VPS35L: variants seen among roughly 807,000 people sequenced by gnomAD.
The protein encoded by VPS35L is VPS35 endosomal protein-sorting factor-like.
Under a neutral mutation model 133.0 loss-of-function variants are expected in VPS35L, and 83 were observed. The ratio of observed to expected loss-of-function variants is 0.62; its 90% CI spans 0.52 to 0.75. The LOEUF is 0.75. Ranked by LOEUF, VPS35L falls within the 30% of genes least tolerant of loss-of-function variation. The pLI is 0.00. For missense variants in VPS35L, 1,083 were observed against 1,206.8 expected (o/e 0.90, Z 1.52); for synonymous variants, 423 against 449.9 (o/e 0.94, Z 0.76).
chr16:19,700,298 C>A, intron 30 of VPS35L, 80 bp from the exon 31 acceptor site: 1 of 1,264,636 alleles, frequency 7.9e-7, no homozygotes, highest in South Asian at 1.3e-5. Context: ...TCTAAGCTCA[C>A]ATAATGGCTG....
intron 27 of VPS35L, among the ~76,000 whole-genome samples, chr16:19,672,661 G>T (rs547274376): frequency 6.6e-6 from 1 of 152,214 alleles, no homozygotes; most frequent in African/African-American, 2.4e-5. Flanking sequence ...AGGATAGGCG[G>T]CACCCCAAGA....
chr16:19,646,887 G>T (rs1973968633), intron 23 of VPS35L, among the ~76,000 whole-genome samples: 1 of 152,088 alleles, frequency 6.6e-6, no homozygotes, highest in Admixed American at 6.6e-5. Context: ...ATCCCAGCCT[G>T]AACAGTCTTC....
At chr16:19,635,959 G>A (rs888477517) in intron 19 of VPS35L, among the ~76,000 whole-genome samples, 6 of 152,158 alleles carry the variant, frequency 3.9e-5, no homozygotes, top group African/African-American at 7.2e-5. Flanking sequence ...CAAGATGGGC[G>A]GATTGCTTGA....
At chr16:19,662,996 AAAT>A (rs59638598) in intron 26 of VPS35L, among the ~76,000 whole-genome samples, 8,256 of 151,710 alleles carry the variant, frequency 0.054, 529 homozygotes, top group African/African-American at 0.15. Flanking sequence ...CTCAAAAAAA[AAAT>A]AATAATAATT....
At chr16:19,614,363 G>C (rs2151551209) in intron 12 of VPS35L, among the ~76,000 whole-genome samples, 1 of 152,274 alleles carries the variant, frequency 6.6e-6, no homozygotes, top group African/African-American at 2.4e-5. Context: ...CATTATTAGT[G>C]TTACCCATCA....
chr16:19,595,322 G>A (rs549955282), intron 8 of VPS35L, among the ~76,000 whole-genome samples: 29 of 152,258 alleles, frequency 1.9e-4, no homozygotes, highest in Middle Eastern at 3.4e-3. Context: ...CCCGGGAGGC[G>A]GTGGAGATGG....
intron 11 of VPS35L, among the ~76,000 whole-genome samples, chr16:19,609,970 C>T (rs1972658111): frequency 6.6e-6 from 1 of 152,044 alleles, no homozygotes; most frequent in Non-Finnish European, 1.5e-5. Flanking sequence ...AACGAAAATA[C>T]ATGTGGAGAG....
rs747918715 is a variant in VPS35L at position 19,609,003 on chromosome 16, A to G, written c.911A>G (p.Asn304Ser). Residue 304 changes from asparagine to serine, a missense_variant, in exon 11 of 31, where the codon AAC becomes AGC. Physicochemically the swap from Asn to Ser is conservative, Grantham distance 46. Coordinates refer to ENST00000417362, the MANE Select transcript of VPS35L (RefSeq NM_020314.7). The stretch of plus-strand genomic sequence containing the variant: ...GTGGAGGCATCCATCCTGAAATGTA[A>G]CAAATTCCTCTCCAAAACGTAAGGC... Reference protein sequence around the residue: ...FYVEASILKCNKFLSKTGISE... With the variant: ...FYVEASILKCSKFLSKTGISE... 7.9e-5 allele frequency: 128 copies of G among 1,613,968 alleles called. No individual in the cohort carries two copies. In the South Asian group the frequency reaches 9.0e-4, roughly 11 times the overall value.
chr16:19,663,181 C>T (rs1235796175), intron 26 of VPS35L, among the ~76,000 whole-genome samples: 2 of 151,608 alleles, frequency 1.3e-5, no homozygotes, highest in African/African-American at 4.9e-5. Context: ...CATGGTGGCT[C>T]ATGCCTATAA....
chr16:19,562,923 T>C (rs562219311), intron 1 of VPS35L, among the ~76,000 whole-genome samples: 337 of 151,668 alleles, frequency 2.2e-3, no homozygotes, highest in Middle Eastern at 6.8e-3. Context: ...CCCAGCAAAT[T>C]TATTTATTTA....
At chr16:19,608,358 T>C (rs1372654265) in intron 10 of VPS35L, 84 bp downstream of exon 10, 3 of 1,030,054 alleles carry the variant, frequency 2.9e-6, no homozygotes, top group Non-Finnish European at 4.5e-6. Flanking sequence ...TGTGATGGGA[T>C]GCCCTGACAT....
chr16:19,571,874 A>G, intron 3 of VPS35L, among the ~76,000 whole-genome samples: 1 of 149,504 alleles, frequency 6.7e-6, no homozygotes, highest in Non-Finnish European at 1.5e-5. Flanking sequence ...ACTTGACCAT[A>G]TGTCTTGGAG....
At chr16:19,560,043 A>G (rs1467414934) in intron 1 of VPS35L, among the ~76,000 whole-genome samples, 1 of 152,224 alleles carries the variant, frequency 6.6e-6, no homozygotes, top group Non-Finnish European at 1.5e-5. Flanking sequence ...TTTTTAAAAA[A>G]AATAAAATTC....
At position 19,564,834 on chromosome 16, in the gene VPS35L, G is replaced by A; in HGVS notation, c.18-17G>A. 1 of 1,596,074 alleles carries A rather than the reference G, an allele frequency of 6.3e-7. No individual in the cohort carries two copies. Among genetic ancestry groups the A allele is most frequent in the Non-Finnish European group, 8.6e-7 (1 of 1,164,388 alleles). On this transcript the variant is annotated splice_polypyrimidine_tract_variant and intron_variant, in intron 1 of 30. Transcript: ENST00000417362. ...GTACCCCCATCCACTAATTGGCTGT[G>A]TTTCGCTGTTTACCAGGCACTCCAG...
chr16:19,692,002 G>A (rs976482325), intron 29 of VPS35L, among the ~76,000 whole-genome samples: 2 of 152,066 alleles, frequency 1.3e-5, no homozygotes, highest in Non-Finnish European at 2.9e-5. Flanking sequence ...AGCCTCCCAA[G>A]TAGCTGGGAT....
chr16:19,606,355 G>A (rs1024483873), intron 9 of VPS35L, among the ~76,000 whole-genome samples: 7 of 152,200 alleles, frequency 4.6e-5, no homozygotes, highest in Admixed American at 1.3e-4. Flanking sequence ...ACAAATGAAT[G>A]TAAGAATAAC....
rs556834787 is a variant in VPS35L at position 19,639,613 on chromosome 16, C to T, written c.1699-402C>T. ...AGTGATCTCGGTTCACTGCAACTTC[C>T]GCCTTCCCGAGTTCAAGCAGTTCTC... On this transcript the variant is annotated intron_variant, in intron 20 of 30. Coordinates refer to ENST00000417362, the MANE Select transcript of VPS35L (RefSeq NM_020314.7). The surrounding 1 kb of genome is among the most constrained non-coding windows in gnomAD (Gnocchi z 4.1). Among the ~76,000 whole-genome samples the T allele has an allele frequency of 1.7e-4, 26 of 152,224 alleles. No homozygotes were observed. The highest frequency in any genetic ancestry group is 6.3e-4 in the African/African-American group (26 of 41,542).
At position 19,661,446 on chromosome 16, in the gene VPS35L, G is replaced by A. The variant is rs530787929; in HGVS notation, c.2222-7714G>A. ...GGAACTCTATTGTTCAGACAGAGGC[G>A]TATTGAAAGCCTTGGTACACACAAC... On this transcript the variant is annotated intron_variant, in intron 26 of 30. Transcript: ENST00000417362. Among the ~76,000 whole-genome samples the A allele has an allele frequency of 3.3e-5, 5 of 152,258 alleles. No individual in the cohort carries two copies. In the South Asian group the frequency reaches 6.2e-4, roughly 19 times the overall value.
Position 19,629,826 on chromosome 16 carries a change from T to C in VPS35L, c.1554+6T>C. On this transcript the variant is annotated splice_donor_region_variant and intron_variant, in intron 18 of 30. Transcript: ENST00000417362. ...ACACCTGCAAGCATTTCACGGTATG[T>C]GTGACTGTGGTATTGTTTTTGAAAG... 6.2e-7 allele frequency: 1 copy of C among 1,612,658 alleles called. No homozygotes were observed. Among genetic ancestry groups the C allele is most frequent in the South Asian group, 1.1e-5 (1 of 91,056 alleles).
Sources: gnomAD v4.1 joint callset for allele counts (sites outside exome capture counted in the v4.1 genomes callset) on GRCh38, gnomAD v4.1.1 for gene constraint, Gnocchi (gnomAD v3.1) non-coding constraint, MANE v1.5 for transcripts, NCBI Gene and HGNC (gene_info 2026-07-23, HGNC 2026-07-21) for gene names.